ZNF19: variants seen among roughly 807,000 people sequenced by gnomAD.
ZNF19 encodes the protein zinc finger protein 19 (KOX 12).
In ZNF19, 11 loss-of-function variants were observed where a neutral mutation model predicts 13.1. That is an observed-to-expected ratio of 0.84 (90% CI 0.53 to 1.39). The LOEUF (loss-of-function observed/expected upper bound fraction) is 1.39, where lower values mean the gene tolerates loss of function less well. ZNF19 is among the 40% of genes most tolerant of loss of function. The probability of loss-of-function intolerance (pLI) is 0.00; values close to 1 mark genes in which losing one functional copy is unlikely to be tolerated. For missense variants in ZNF19, 560 were observed against 547.0 expected, an observed-to-expected ratio of 1.02 and a Z score of -0.24; for synonymous variants, 186 against 187.0, an observed-to-expected ratio of 0.99 and a Z score of 0.04.
At chr16:71,477,451 C>G (rs2043609921) in intron 5 of ZNF19, among the ~76,000 whole-genome samples, 1 of 152,118 alleles carries the variant, frequency 6.6e-6, no homozygotes, top group African/African-American at 2.4e-5. Context: ...ACTCCTGCCT[C>G]TGCCTTCAAT....
chr16:71,488,488 A>G (rs1258435875), intron 1 of ZNF19, among the ~76,000 whole-genome samples: 1 of 152,036 alleles, frequency 6.6e-6, no homozygotes, highest in Non-Finnish European at 1.5e-5. Context: ...AATCTACAAA[A>G]CAAGCTCCTA....
At chr16:71,485,306 C>T (rs1303119723) in intron 1 of ZNF19, among the ~76,000 whole-genome samples, 1 of 151,918 alleles carries the variant, frequency 6.6e-6, no homozygotes. Flanking sequence ...AAAAATTAGC[C>T]AGGCGTAATG....
intron 1 of ZNF19, among the ~76,000 whole-genome samples, chr16:71,486,866 G>T (rs1203491954): frequency 6.6e-6 from 1 of 152,066 alleles, no homozygotes; most frequent in African/African-American, 2.4e-5. Flanking sequence ...TCGGTTTTTA[G>T]AAACATGGGA....
intron 2 of ZNF19, 110 bp downstream of exon 2, chr16:71,484,478 GC>G: frequency 1.0e-6 from 1 of 978,730 alleles, no homozygotes; most frequent in Non-Finnish European, 1.2e-6. Flanking sequence ...TCCCGGAGGG[GC>G]CGCCCTGTCT....
At chr16:71,479,215 G>A (rs1248613795) in intron 3 of ZNF19, 3 of 588,138 alleles carry the variant, frequency 5.1e-6, no homozygotes, top group South Asian at 2.2e-5. Context: ...GATTCCATTA[G>A]GATATAAAAT....
In ZNF19 at chr16:71,489,263, C is replaced by G. The variant is rs1359733059; in HGVS notation, c.-190+9G>C. ...CTCCGCCCAACTGTGGGTCCTTGCA[C>G]TTTGGCACCTTTGAGCGCGGACTCA... On this transcript the variant is annotated intron_variant, in intron 1 of 5. Transcript: ENST00000288177. 2.0e-6 allele frequency: 2 copies of G among 985,506 alleles called. No individual in the cohort carries two copies. Among genetic ancestry groups the G allele is most frequent in the African/African-American group, 3.5e-5 (2 of 57,268 alleles). 61.0% of individuals were successfully genotyped at this position (985,506 alleles called of 1,614,324 possible). A position where few individuals can be genotyped will look rare whatever the true frequency, so the allele number is the denominator to read the frequency against.
intron 4 of ZNF19, 185 bp downstream of exon 4, chr16:71,478,694 C>G: frequency 2.5e-6 from 2 of 804,436 alleles, no homozygotes; most frequent in Non-Finnish European, 4.0e-6. Context: ...ACCAAAGTGA[C>G]CCAAGACCTC....
At chr16:71,481,870 T>G (rs2043639010) in intron 3 of ZNF19, among the ~76,000 whole-genome samples, 2 of 152,196 alleles carry the variant, frequency 1.3e-5, no homozygotes, top group African/African-American at 4.8e-5. Context: ...TTCTCAGTAT[T>G]CAGGAGGCTG....
rs1339689015 is a variant in ZNF19 at position 71,473,743 on chromosome 16, C to T, written c.*1427G>A. ...GGGACTACAGGCATGCACCACCACGCCCAGCTAATTCTTGTATTTTTAGTA... is the reference window on the plus strand; with the variant it reads ...GGGACTACAGGCATGCACCACCACGTCCAGCTAATTCTTGTATTTTTAGTA... On this transcript the variant is annotated 3_prime_UTR_variant, in exon 6 of 6. Coordinates refer to ENST00000288177, the MANE Select transcript of ZNF19 (RefSeq NM_006961.4). 1 of 152,196 alleles carries T rather than the reference C, an allele frequency of 6.6e-6. No individual in the cohort carries two copies. The highest frequency in any genetic ancestry group is 2.4e-5 in the African/African-American group (1 of 41,434). 9.4% of individuals were successfully genotyped at this position (152,196 alleles called of 1,614,324 possible). A position where few individuals can be genotyped will look rare whatever the true frequency, so the allele number is the denominator to read the frequency against.
At chr16:71,484,332 CGA>C (rs1304715640) in intron 2 of ZNF19, among the ~76,000 whole-genome samples, 1 of 152,228 alleles carries the variant, frequency 6.6e-6, no homozygotes, top group African/African-American at 2.4e-5. Flanking sequence ...TGGGCGGCGT[CGA>C]GAACAGAGGC....
At chr16:71,478,778 C>T in intron 4 of ZNF19, 101 bp downstream of exon 4, 1 of 1,482,368 alleles carries the variant, frequency 6.7e-7, no homozygotes, top group South Asian at 1.3e-5. Flanking sequence ...ACACAAGAGA[C>T]AACCTCTCCT....
intron 4 of ZNF19, 186 bp from the exon 5 acceptor site, chr16:71,478,527 ATAAG>A (rs1212312861): frequency 8.6e-6 from 6 of 701,736 alleles, no homozygotes; most frequent in Non-Finnish European, 1.6e-5. Context: ...ACACTCAAGG[ATAAG>A]TAAGTCAGTG....
In ZNF19 at chr16:71,476,069, G is replaced by A. The variant is rs2043600740; in HGVS notation, c.478C>T (p.Pro160Ser). The change falls in exon 6 of 6, where the codon CCT becomes TCT. Residue 160 changes from proline to serine, a missense_variant. By Grantham distance (74) the Pro-to-Ser change is moderately conservative (BLOSUM62 -1). Transcript: ENST00000288177. ...KVPRIPCARK[P>S]FICEECGKSF... ...TTCCCACACTCCTCACATATGAAAG[G>A]TTTCCTTGCACAGGGGATTCTTGGA... 3 of 1,614,150 alleles carry A rather than the reference G, an allele frequency of 1.9e-6. No homozygotes were observed. The highest frequency in any genetic ancestry group is 2.5e-6 in the Non-Finnish European group (3 of 1,180,012).
Position 71,475,567 on chromosome 16 carries a change from T to A in ZNF19, c.980A>T (p.Lys327Met), listed in dbSNP as rs781351835. Residue 327 changes from lysine (K) to methionine (M), a missense_variant, in exon 6 of 6, where the codon AAG becomes ATG. Lys to Met is a moderately conservative substitution (Grantham distance 95). Transcript: ENST00000288177. The stretch of plus-strand genomic sequence containing the variant: ...TCCACATACTTTACAAGAATAAGGC[T>A]TTTCCCCTGTGTGAATACGCTGATG... ...SQHQRIHTGE[K>M]PYSCKVCGQA... 3.7e-6 allele frequency: 6 copies of A among 1,614,012 alleles called. No individual in the cohort carries two copies. In the East Asian group the frequency reaches 1.3e-4, roughly 36 times the overall value.
chr16:71,475,647 G>C lies in ZNF19; in HGVS notation c.900C>G (p.Pro300=), dbSNP rs2043596209. 6.2e-7 allele frequency: 1 copy of C among 1,614,100 alleles called. No homozygotes were observed. Among genetic ancestry groups the C allele is most frequent in the South Asian group, 1.1e-5 (1 of 91,076 alleles). ...RHQKIHTGEK[P]YECNECGKSF... ...TTTTGCCACACTCATTACACTCATA[G>C]GGTTTCTCTCCAGTGTGGATTTTCT... Residue 300 remains proline (P), a synonymous_variant, in exon 6 of 6, where the codon CCC becomes CCG. Coordinates refer to ENST00000288177, the MANE Select transcript of ZNF19 (RefSeq NM_006961.4).
At chr16:71,482,477 T>A (rs369831372) in intron 2 of ZNF19, among the ~76,000 whole-genome samples, 9 of 152,240 alleles carry the variant, frequency 5.9e-5, no homozygotes, top group African/African-American at 2.2e-4. Context: ...TAAAAATAAA[T>A]TTGACTGAGA....
chr16:71,488,836 A>G (rs907981185), intron 1 of ZNF19, among the ~76,000 whole-genome samples: 1 of 152,228 alleles, frequency 6.6e-6, no homozygotes, highest in Non-Finnish European at 1.5e-5. Flanking sequence ...ACATAAAAAC[A>G]CTATGGGACA....
At chr16:71,478,033 G>C in intron 5 of ZNF19, 195 bp downstream of exon 5, 2 of 541,202 alleles carry the variant, frequency 3.7e-6, no homozygotes, top group Non-Finnish European at 6.6e-6. Context: ...AAGGAACAAT[G>C]GATTCAAGGA....
In ZNF19 at chr16:71,475,909, C is replaced by A. The variant is rs201608341; in HGVS notation, c.638G>T (p.Gly213Val). 1 of 1,612,900 alleles carries A rather than the reference C, an allele frequency of 6.2e-7. No homozygotes were observed. The highest frequency in any genetic ancestry group is 8.5e-7 in the Non-Finnish European group (1 of 1,179,572). The part of the protein sequence containing the change: ...SLIRHQRIHT[G>V]ERPYQCEECG... Reference sequence around the variant, plus strand: ...CTCCTCACACTGATAGGGTCTCTCTCCAGTGTGAATCCTCTGGTGCCGAAT... The same window carrying A: ...CTCCTCACACTGATAGGGTCTCTCTACAGTGTGAATCCTCTGGTGCCGAAT... The change falls in exon 6 of 6, where the codon GGA becomes GTA. Residue 213 changes from glycine (G) to valine (V), a missense_variant. By Grantham distance (109) the Gly-to-Val change is moderately radical. Transcript: ENST00000288177.
Sources: allele counts gnomAD v4.1 joint callset (sites outside exome capture counted in the v4.1 genomes callset), GRCh38; gene constraint gnomAD v4.1.1; transcripts MANE v1.5; gene names NCBI Gene and HGNC (gene_info 2026-07-23, HGNC 2026-07-21).